The following AKR1B1 variants were observed in gnomAD, a reference collection of about 807,000 sequenced individuals.
AKR1B1 encodes the protein aldo-keto reductase family 1 member B1.
In AKR1B1, 22 loss-of-function variants were observed where a neutral mutation model predicts 40.4. That is an observed-to-expected ratio of 0.54 (90% CI 0.39 to 0.78). The LOEUF is 0.78. Ranked by LOEUF, AKR1B1 falls within the 30% of genes least tolerant of loss-of-function variation. The probability of loss-of-function intolerance (pLI) is 0.00; values close to 1 mark genes in which losing one functional copy is unlikely to be tolerated. For synonymous variants in AKR1B1, 157 were observed against 149.9 expected (o/e 1.05, Z -0.35); for missense variants, 357 against 396.7 (o/e 0.90, Z 0.85).
At chr7:134,445,127 GA>G (rs1806054586) in intron 9 of AKR1B1, 110 bp downstream of exon 9, 1 of 967,052 alleles carries the variant, frequency 1.0e-6, no homozygotes, top group South Asian at 1.4e-5. Flanking sequence ...TGCAAAGCAA[GA>G]ACAGCTGTGA....
chr7:134,445,372 C>A (rs753952883), intron 8 of AKR1B1, 52 bp from the exon 9 acceptor site: 8 of 1,472,992 alleles, frequency 5.4e-6, no homozygotes, highest in South Asian at 4.8e-5. Flanking sequence ...AAATAAAAGA[C>A]AAAATACTGT....
Position 134,442,679 on chromosome 7 carries a change from C to T in AKR1B1, c.*49G>A, listed in dbSNP as rs1805972730. ...TACATTTGCAAGGAAAAAAATGAGG[C>T]AAGAAACACAGGTATAGGTCACTTG... On this transcript the variant is annotated 3_prime_UTR_variant, in exon 10 of 10. Coordinates refer to ENST00000285930, the MANE Select transcript of AKR1B1 (RefSeq NM_001628.4). 2 of 1,599,282 alleles carry T rather than the reference C, an allele frequency of 1.3e-6. No individual in the cohort carries two copies. The highest frequency in any genetic ancestry group is 1.7e-4 in the Middle Eastern group (1 of 6,056).
chr7:134,447,068 G>A (rs1806119706), intron 8 of AKR1B1, among the ~76,000 whole-genome samples: 1 of 152,204 alleles, frequency 6.6e-6, no homozygotes, highest in South Asian at 2.1e-4. Flanking sequence ...GAGCAAAGGT[G>A]TAGGTGTATG....
intron 4 of AKR1B1, 52 bp downstream of exon 4, chr7:134,449,668 G>T: frequency 7.3e-7 from 1 of 1,372,560 alleles, no homozygotes; most frequent in Non-Finnish European, 1.0e-6. Context: ...TTGCTTCTAA[G>T]AAGAAGAGGG....
chr7:134,450,895 C>T lies in AKR1B1; in HGVS notation c.242G>A (p.Cys81Tyr). 1.9e-6 allele frequency: 3 copies of T among 1,613,898 alleles called. No individual in the cohort carries two copies. The highest frequency in any genetic ancestry group is 2.5e-6 in the Non-Finnish European group (3 of 1,179,828). Residue 81 changes from cysteine to tyrosine, a missense_variant, in exon 3 of 10, where the codon TGC (cysteine) becomes TAC (tyrosine). Transcript: ENST00000285930. ...CACCAGGCCCTTCTCATGGTACGTGCACCACAGCTAAGCCAGCGAGAGGGC... is the reference window on the plus strand; with the variant it reads ...CACCAGGCCCTTCTCATGGTACGTGTACCACAGCTAAGCCAGCGAGAGGGC... Reference protein sequence around the residue: ...EELFIVSKLWCTYHEKGLVKG... With the variant: ...EELFIVSKLWYTYHEKGLVKG...
At chr7:134,445,740 G>A (rs1014898847) in intron 8 of AKR1B1, among the ~76,000 whole-genome samples, 8 of 152,222 alleles carry the variant, frequency 5.3e-5, no homozygotes, top group Non-Finnish European at 1.0e-4. Context: ...GCACAGGAAG[G>A]GCAGAGGTAT....
Position 134,446,858 on chromosome 7 carries a change from T to G in AKR1B1, c.825+440A>C, listed in dbSNP as rs2269069. On this transcript the variant is annotated intron_variant, in intron 8 of 9. Transcript: ENST00000285930. ...TTAAGCACCATGTGAAGTGCTCTGA[T>G]GCATCACTTAATCTTCGTAACAACC... is the stretch of plus-strand genomic sequence containing the variant. Among the ~76,000 whole-genome samples, 32 of 152,380 alleles carry G rather than the reference T, an allele frequency of 2.1e-4. 1 individual carries two copies. In the East Asian group the frequency reaches 6.2e-3, roughly 29 times the overall value.
chr7:134,449,410 C>A lies in AKR1B1; in HGVS notation c.430-291G>T, dbSNP rs550085632. On this transcript the variant is annotated intron_variant, in intron 4 of 9. Transcript: ENST00000285930. ...GACCATCCTGGCTAACACGGTGAAA[C>A]CCCGTCTCTACTAAAAATACAAAAA... 7.7e-3 allele frequency: 4,259 copies of A among 555,810 alleles called. 72 individuals carry two copies. Among genetic ancestry groups the A allele is most frequent in the Non-Finnish European group, 6.9e-3 (2,139 of 310,014 alleles). The allele number at this position is 555,810 out of a possible 1,614,324, so 34.4% of individuals were successfully genotyped here.
intron 1 of AKR1B1, among the ~76,000 whole-genome samples, chr7:134,457,144 A>T (rs1432999335): frequency 6.6e-6 from 1 of 152,020 alleles, no homozygotes; most frequent in African/African-American, 2.4e-5. Context: ...TCAAAAAAAA[A>T]AAAATAAACT....
chr7:134,451,936 G>A, intron 1 of AKR1B1, 183 bp from the exon 2 acceptor site: 1 of 678,864 alleles, frequency 1.5e-6, no homozygotes. Flanking sequence ...GGAAGTGAAA[G>A]GCCACACAGC....
At position 134,447,283 on chromosome 7, in the gene AKR1B1, C is replaced by T; in HGVS notation, c.825+15G>A. 1 of 1,612,200 alleles carries T rather than the reference C, an allele frequency of 6.2e-7. No homozygotes were observed. The highest frequency in any genetic ancestry group is 1.7e-5 in the Admixed American group (1 of 60,026). On this transcript the variant is annotated intron_variant, in intron 8 of 9. Transcript: ENST00000285930. ...TCCATGGAGGAGGGCCAGGCCTGAC[C>T]AGCCAAGATCTTACCTTAAAGTTCT...
At chr7:134,450,498 A>G (rs1806250303) in intron 3 of AKR1B1, among the ~76,000 whole-genome samples, 1 of 152,180 alleles carries the variant, frequency 6.6e-6, no homozygotes, top group African/African-American at 2.4e-5. Context: ...GTGTTTGCTG[A>G]CAGTTTTAAA....
rs555816894 is a variant in AKR1B1 at position 134,444,084 on chromosome 7, AGGAAGAC to A, written c.908+1147_908+1153del. On this transcript the variant is annotated intron_variant, in intron 9 of 9. Coordinates refer to ENST00000285930, the MANE Select transcript of AKR1B1 (RefSeq NM_001628.4). ...ACTCTGTCTCAAGTGGGAGGGGAAAAGGAAGACGGATGAATGGGAGAGATTCTGAAAG... is the reference window on the plus strand; with the variant it reads ...ACTCTGTCTCAAGTGGGAGGGGAAAAGGATGAATGGGAGAGATTCTGAAAG... Among the ~76,000 whole-genome samples, 18 of 152,294 alleles carry A rather than the reference AGGAAGAC, an allele frequency of 1.2e-4. No homozygotes were observed. In the South Asian group the frequency reaches 2.7e-3, roughly 23 times the overall value.
chr7:134,451,526 C>A, intron 2 of AKR1B1, 60 bp downstream of exon 2: 2 of 1,599,202 alleles, frequency 1.3e-6, no homozygotes, highest in South Asian at 2.2e-5. Context: ...TGGCTTTGGG[C>A]TGATGCACCA....
Position 134,451,554 on chromosome 7 carries a change from G to GAGCCCCTTCC in AKR1B1, c.234+22_234+31dup. The GAGCCCCTTCC allele has an allele frequency of 1.9e-6, 3 of 1,612,414 alleles. No homozygotes were observed. In the South Asian group the frequency reaches 3.3e-5, roughly 18 times the overall value. On this transcript the variant is annotated intron_variant, in intron 2 of 9. Coordinates refer to ENST00000285930, the MANE Select transcript of AKR1B1 (RefSeq NM_001628.4). The stretch of plus-strand genomic sequence containing the variant: ...ATGCACCAACAGATGATGGGACCGA[G>GAGCCCCTTCC]AGCCCCTTCCAGCCCCACCGCGGAA...
chr7:134,459,098 T>C lies in AKR1B1; in HGVS notation c.-36A>G. On this transcript the variant is annotated 5_prime_UTR_variant, in exon 1 of 10. Coordinates refer to ENST00000285930, the MANE Select transcript of AKR1B1 (RefSeq NM_001628.4). ...CTCCCCAGACCCCCGCCCAGTACGGTGCGGCCTTGGCCGCGGCGCGTACCT... is the reference window on the plus strand; with the variant it reads ...CTCCCCAGACCCCCGCCCAGTACGGCGCGGCCTTGGCCGCGGCGCGTACCT... 3.2e-6 allele frequency: 5 copies of C among 1,586,460 alleles called. No individual in the cohort carries two copies. The highest frequency in any genetic ancestry group is 3.4e-6 in the Non-Finnish European group (4 of 1,166,912).
chr7:134,451,919 G>A (rs934839079), intron 1 of AKR1B1, 166 bp from the exon 2 acceptor site: 18 of 740,202 alleles, frequency 2.4e-5, no homozygotes, highest in South Asian at 7.8e-5. Context: ...CCTCAGACGC[G>A]GGGGATGGAA....
intron 1 of AKR1B1, 33 bp downstream of exon 1, chr7:134,458,964 G>A: frequency 6.3e-7 from 1 of 1,589,574 alleles, no homozygotes; most frequent in Non-Finnish European, 8.6e-7. Context: ...AGTGTGAGGC[G>A]AGCCCCGGGC....
At chr7:134,458,663 T>C (rs1806568453) in intron 1 of AKR1B1, among the ~76,000 whole-genome samples, 1 of 152,158 alleles carries the variant, frequency 6.6e-6, no homozygotes, top group Non-Finnish European at 1.5e-5. Context: ...TCTCGCGTTG[T>C]GCCGCTTGGG....
Sources: gnomAD v4.1 joint callset for allele counts (sites outside exome capture counted in the v4.1 genomes callset) on GRCh38, gnomAD v4.1.1 for gene constraint, MANE v1.5 for transcripts, NCBI Gene and HGNC (gene_info 2026-07-23, HGNC 2026-07-21) for gene names.